The following TUT7 variants were observed in gnomAD, a reference collection of about 807,000 sequenced individuals.
TUT7 encodes terminal uridylyl transferase 7.
In TUT7, 33 loss-of-function variants were observed where a neutral mutation model predicts 165.9. That is an observed-to-expected ratio of 0.20 (90% confidence interval 0.15 to 0.27). TUT7 has a LOEUF of 0.27. TUT7 is among the 10% of genes least tolerant of loss of function. The pLI, the probability that TUT7 is intolerant of heterozygous loss-of-function variation, is 1.00. For missense variants in TUT7, 1,338 were observed against 1,762.3 expected, an observed-to-expected ratio of 0.76 and a Z score of 4.31; for synonymous variants, 552 against 608.1, an observed-to-expected ratio of 0.91 and a Z score of 1.36.
intron 12 of TUT7, chr9:86,324,361 CCTCCA>C (rs1400601089): frequency 1.3e-5 from 2 of 156,202 alleles, no homozygotes; most frequent in Admixed American, 1.3e-4. Flanking sequence ...ATCGAGCTTA[CCTCCA>C]CTCTTCTGCC....
chr9:86,296,050 C>A (rs755469878), intron 26 of TUT7, among the ~76,000 whole-genome samples: 2 of 152,086 alleles, frequency 1.3e-5, no homozygotes, highest in South Asian at 4.1e-4. Context: ...TAAAAATTTC[C>A]ATTATTTGTT....
chr9:86,313,125 A>ATAAT (rs1271175042), intron 17 of TUT7, among the ~76,000 whole-genome samples: 2 of 101,530 alleles, frequency 2.0e-5, no homozygotes, highest in African/African-American at 3.4e-5. Flanking sequence ...AGAATGATCA[A>ATAAT]TAATAAATAA....
Position 86,325,389 on chromosome 9 carries a change from T to G in TUT7, c.1734A>C (p.Lys578Asn), listed in dbSNP as rs749613140. Reference protein sequence around the residue: ...LADLVISIRVKELVSRELKDW... With the variant: ...LADLVISIRVNELVSRELKDW... Reference sequence around the variant, plus strand: ...CCTTCAATTCCCGAGATACCAATTCTTTGACACGAATACTTATCACTAAAT... The same window carrying G: ...CCTTCAATTCCCGAGATACCAATTCGTTGACACGAATACTTATCACTAAAT... Residue 578 changes from lysine (K) to asparagine (N), a missense_variant, in exon 12 of 27, where the codon AAA (lysine) becomes AAC (asparagine). This residue lies in a region of TUT7 where 28 missense variants were observed against 69.4 expected (regional missense o/e 0.40). Transcript: ENST00000375963. The G allele has an allele frequency of 1.2e-6, 2 of 1,614,166 alleles. No homozygotes were observed. The highest frequency in any genetic ancestry group is 1.7e-6 in the Non-Finnish European group (2 of 1,180,004).
intron 22 of TUT7, 32 bp downstream of exon 22, chr9:86,308,397 C>CT: frequency 3.2e-6 from 5 of 1,582,252 alleles, no homozygotes; most frequent in Non-Finnish European, 4.3e-6. Flanking sequence ...GCTCTATAGT[C>CT]TATTCGACTT....
At chr9:86,337,209 A>T in intron 10 of TUT7, 1 of 521,240 alleles carries the variant, frequency 1.9e-6, no homozygotes, top group Non-Finnish European at 3.3e-6. Flanking sequence ...CTAGAAAGGT[A>T]ATAATATCCC....
At chr9:86,307,883 ACTCAGGTG>A (rs1328089531) in intron 22 of TUT7, among the ~76,000 whole-genome samples, 1 of 152,046 alleles carries the variant, frequency 6.6e-6, no homozygotes, top group Non-Finnish European at 1.5e-5. Context: ...AATCCCAGCT[ACTCAGGTG>A]GCTGAGGCAG....
rs758681837 is a variant in TUT7, at chr9:86,288,726, T to C, written c.4439A>G (p.Tyr1480Cys). 8 of 1,613,796 alleles carry C rather than the reference T, an allele frequency of 5.0e-6. No homozygotes were observed. In the South Asian group the frequency reaches 8.8e-5, roughly 18 times the overall value. Reference protein sequence around the residue: ...KGSSGSLSSKYMTQGKASAKR... With the variant: ...KGSSGSLSSKCMTQGKASAKR... ...CGCTGAGGCTTTTCCCTGAGTCATA[T>C]ATTTACTGGAAAGGCTACCTAGAGG... Residue 1480 changes from tyrosine to cysteine, a missense_variant, in exon 27 of 27, where the codon TAT becomes TGT. Transcript: ENST00000375963.
chr9:86,334,340 G>T (rs1404933678), intron 10 of TUT7, among the ~76,000 whole-genome samples: 2 of 152,168 alleles, frequency 1.3e-5, no homozygotes, highest in Admixed American at 1.3e-4. Context: ...GGGATTCCTG[G>T]AGGTATAACT....
In TUT7 at chr9:86,338,940, C is replaced by A; in HGVS notation, c.1218G>T (p.Leu406=). The A allele has an allele frequency of 6.2e-7, 1 of 1,602,070 alleles. No individual in the cohort carries two copies. Among genetic ancestry groups the A allele is most frequent in the Non-Finnish European group, 8.5e-7 (1 of 1,173,752 alleles). The change falls in exon 9 of 27, where the codon CTG becomes CTT. Residue 406 remains leucine, a synonymous_variant. Transcript: ENST00000375963. ...TTTCATTTCCTGCGCTCACTTTACA[C>A]AGAAGACCACTGGTGAGAGGTGGGG... ...VVCREKQSGL[L]CKVSAGNENA...
At chr9:86,302,281 T>C (rs1248698304) in intron 25 of TUT7, among the ~76,000 whole-genome samples, 1 of 152,186 alleles carries the variant, frequency 6.6e-6, no homozygotes, top group Non-Finnish European at 1.5e-5. Context: ...GCATGGGGAC[T>C]AAACTGCATG....
chr9:86,335,909 TC>T (rs1830727261), intron 10 of TUT7, among the ~76,000 whole-genome samples: 1 of 152,116 alleles, frequency 6.6e-6, no homozygotes, highest in African/African-American at 2.4e-5. Flanking sequence ...CCAATCAAAA[TC>T]AAATTCAGTA....
intron 26 of TUT7, among the ~76,000 whole-genome samples, chr9:86,300,910 C>T (rs896243837): frequency 3.9e-5 from 6 of 152,174 alleles, no homozygotes; most frequent in Non-Finnish European, 8.8e-5. Context: ...CTCTGGCTAC[C>T]GCCACCCCTG....
chr9:86,340,114 A>T lies in TUT7; in HGVS notation c.1139-9T>A, dbSNP rs1288962787. 1 of 1,610,980 alleles carries T rather than the reference A, an allele frequency of 6.2e-7. No homozygotes were observed. Among genetic ancestry groups the T allele is most frequent in the Admixed American group, 1.7e-5 (1 of 59,864 alleles). ...AACATCAATAAAGGAGTCTGAGGAA[A>T]GAAGAAGAAAAATATTAAGTTGGTT... On this transcript the variant is annotated splice_polypyrimidine_tract_variant and intron_variant, in intron 7 of 26. Transcript: ENST00000375963.
rs35968773 is a variant in TUT7, at chr9:86,351,132, CAA to C, written c.520+1546_520+1547del. Among the ~76,000 whole-genome samples, 660 of 120,438 alleles carry C rather than the reference CAA, an allele frequency of 5.5e-3. 2 individuals carry two copies. Among genetic ancestry groups the C allele is most frequent in the Non-Finnish European group, 7.2e-3 (414 of 57,716 alleles). 79.0% of individuals were successfully genotyped at this position (120,438 alleles called of 152,430 possible). On this transcript the variant is annotated intron_variant, in intron 2 of 26. Transcript: ENST00000375963. ...CCTGGGTGACACAGTGAGACTGTCT[CAA>C]AAAAAAAAAAAAAAAATCAGGCTGA...
chr9:86,304,685 A>G (rs1458016852), intron 24 of TUT7, among the ~76,000 whole-genome samples, 171 bp downstream of exon 24: 4 of 151,966 alleles, frequency 2.6e-5, no homozygotes, highest in African/African-American at 9.7e-5. Context: ...GATGGCCTCT[A>G]CCCGGGGATG....
intron 13 of TUT7, 127 bp downstream of exon 13, chr9:86,322,746 A>G: frequency 8.7e-7 from 1 of 1,145,322 alleles, no homozygotes; most frequent in Non-Finnish European, 1.2e-6. Flanking sequence ...CAGTCATATC[A>G]GAATGAAAGG....
chr9:86,333,574 TGA>T (rs1830506799), intron 10 of TUT7, among the ~76,000 whole-genome samples: 1 of 152,264 alleles, frequency 6.6e-6, no homozygotes. Flanking sequence ...TTAAATCTTT[TGA>T]GAGTTTCTGC....
chr9:86,293,659 T>C (rs1450979781), intron 26 of TUT7, among the ~76,000 whole-genome samples: 1 of 152,212 alleles, frequency 6.6e-6, no homozygotes, highest in Non-Finnish European at 1.5e-5. Flanking sequence ...TGTGCATACT[T>C]TTAAACCTAT....
intron 26 of TUT7, among the ~76,000 whole-genome samples, chr9:86,290,686 C>CAAAAAAA (rs749800073): frequency 6.2e-4 from 34 of 54,668 alleles, no homozygotes; most frequent in African/African-American, 8.7e-4. Context: ...TACTAAAATA[C>CAAAAAAA]AAAAAAAAAA....
Sources: allele counts gnomAD v4.1 joint callset (sites outside exome capture counted in the v4.1 genomes callset), GRCh38; gene constraint gnomAD v4.1.1; regional missense constraint gnomAD v4.1.1; transcripts MANE v1.5; gene names NCBI Gene and HGNC (gene_info 2026-07-23, HGNC 2026-07-21).